Variants in MRLN observed in about 807,000 individuals in gnomAD.
The protein encoded by MRLN is Linc-RNA activator of myogenesis.
chr10:59,746,169 T>C (rs1200706285), intron 1 of MRLN, among the ~76,000 whole-genome samples: 3 of 152,232 alleles, frequency 2.0e-5, no homozygotes, highest in African/African-American at 7.2e-5. Context: ...TTTTCTTTTT[T>C]AATAAAAATT....
intron 1 of MRLN, among the ~76,000 whole-genome samples, chr10:59,746,022 A>G (rs1841040754): frequency 6.6e-6 from 1 of 152,194 alleles, no homozygotes; most frequent in Non-Finnish European, 1.5e-5. Flanking sequence ...ATTTCTCTTT[A>G]TTAAGTGTGG....
At position 59,744,819 on chromosome 10, in the gene MRLN, G is replaced by T. The variant is rs150096920; in HGVS notation, c.-124-6257C>A. ...AATCTATAACCTTACCCCCAACTCCGTGCTCTCTGAAACATGTTCTGTGTC... is the reference window on the plus strand; with the variant it reads ...AATCTATAACCTTACCCCCAACTCCTTGCTCTCTGAAACATGTTCTGTGTC... On this transcript the variant is annotated intron_variant, in intron 1 of 2. Transcript: ENST00000414264. The T allele has an allele frequency of 3.6e-3, 620 of 172,968 alleles. 7 individuals are homozygous for T. The highest frequency in any genetic ancestry group is 0.011 in the East Asian group (66 of 5,856). 10.7% of individuals were successfully genotyped at this position (172,968 alleles called of 1,614,324 possible).
chr10:59,743,901 A>C (rs548832359), intron 1 of MRLN, among the ~76,000 whole-genome samples: 19 of 152,258 alleles, frequency 1.2e-4, no homozygotes, highest in African/African-American at 4.6e-4. Context: ...CCTGACCATG[A>C]GTGATCTGCC....
At chr10:59,739,227 C>T (rs540135411) in intron 1 of MRLN, 5 of 152,184 alleles carry the variant, frequency 3.3e-5, no homozygotes, top group African/African-American at 7.2e-5. Flanking sequence ...GAAAAGCCTT[C>T]GTATGTAAGT....
At chr10:59,751,364 T>C (rs889873758) in intron 1 of MRLN, among the ~76,000 whole-genome samples, 5 of 152,102 alleles carry the variant, frequency 3.3e-5, no homozygotes. Flanking sequence ...AAGTCATTAC[T>C]TAGAAGGTGA....
chr10:59,739,122 CAAAAAAAAAAAA>C (rs573633749), intron 1 of MRLN: 1 of 118,762 alleles, frequency 8.4e-6, no homozygotes, highest in Admixed American at 8.8e-5. Context: ...GATTCCGTCT[CAAAAAAAAAAAA>C]AGAAAAGAAA....
chr10:59,737,958 C>CA (rs925523280), intron 2 of MRLN: 14 of 152,062 alleles, frequency 9.2e-5, no homozygotes, highest in African/African-American at 2.9e-4. Flanking sequence ...ACGTCAGTAT[C>CA]AAAAACGTGG....
At chr10:59,741,854 T>G (rs913904410) in intron 1 of MRLN, among the ~76,000 whole-genome samples, 2 of 152,128 alleles carry the variant, frequency 1.3e-5, no homozygotes, top group Admixed American at 1.3e-4. Context: ...AATTTTTAAT[T>G]TTTTGTAGAG....
chr10:59,743,243 A>T (rs1022785738), intron 1 of MRLN, among the ~76,000 whole-genome samples: 1 of 124,152 alleles, frequency 8.1e-6, no homozygotes, highest in Non-Finnish European at 1.5e-5. Context: ...TCCATTTCTC[A>T]CATTCATTCA....
intron 1 of MRLN, among the ~76,000 whole-genome samples, chr10:59,749,210 T>G (rs1262148087): frequency 2.0e-5 from 3 of 152,242 alleles, no homozygotes; most frequent in African/African-American, 4.8e-5. Context: ...ATTTTTAATC[T>G]CATAAAACTT....
intron 1 of MRLN, among the ~76,000 whole-genome samples, chr10:59,746,927 G>A (rs1841049838): frequency 1.3e-5 from 2 of 152,154 alleles, no homozygotes; most frequent in South Asian, 4.1e-4. Context: ...AGCCTCCTGA[G>A]TAGCTGGGAT....
intron 1 of MRLN, chr10:59,744,693 G>C (rs954137079): frequency 6.2e-6 from 1 of 160,412 alleles, no homozygotes; most frequent in Non-Finnish European, 1.3e-5. Context: ...GGAAAAGAAA[G>C]AGAGATCAGA....
intron 1 of MRLN, among the ~76,000 whole-genome samples, chr10:59,749,141 T>C (rs933372641): frequency 1.3e-5 from 2 of 152,220 alleles, no homozygotes; most frequent in African/African-American, 4.8e-5. Flanking sequence ...ATATCTGTCT[T>C]GTGGGGGGTT....
chr10:59,750,696 C>T (rs1393028177), intron 1 of MRLN, among the ~76,000 whole-genome samples: 1 of 152,208 alleles, frequency 6.6e-6, no homozygotes, highest in Non-Finnish European at 1.5e-5. Context: ...GTCTTCCAGC[C>T]CTCTCCATGA....
intron 1 of MRLN, among the ~76,000 whole-genome samples, chr10:59,740,842 G>A (rs760892625): frequency 7.2e-4 from 108 of 149,418 alleles, no homozygotes; most frequent in Non-Finnish European, 1.3e-3. Flanking sequence ...TTATCGCCCA[G>A]GCTGGAGTGC....
chr10:59,750,066 T>G, intron 1 of MRLN, among the ~76,000 whole-genome samples: 2 of 77,524 alleles, frequency 2.6e-5, no homozygotes, highest in South Asian at 9.8e-4. Flanking sequence ...CTCTCTCTTT[T>G]TTTTTTTTTT....
intron 1 of MRLN, among the ~76,000 whole-genome samples, chr10:59,740,860 C>CG (rs1564725372): frequency 6.6e-6 from 1 of 151,058 alleles, no homozygotes; most frequent in Non-Finnish European, 1.5e-5. Flanking sequence ...TGCAATGGCG[C>CG]GATCTCAGCA....
rs146817546 is a variant in MRLN, at chr10:59,743,262, G to A, written c.-124-4700C>T. Among the ~76,000 whole-genome samples the A allele has an allele frequency of 1.0e-2, 1,400 of 140,662 alleles. 16 individuals carry two copies. The highest frequency in any genetic ancestry group is 0.035 in the African/African-American group (1,321 of 37,686). 92.3% of individuals were successfully genotyped at this position (140,662 alleles called of 152,430 possible). The stretch of plus-strand genomic sequence containing the variant: ...TTTCTCACATTCATTCATTTAAAAG[G>A]ATATTGCCTATATAACTTCAGAACA... On this transcript the variant is annotated intron_variant, in intron 1 of 2. Coordinates refer to ENST00000414264, the MANE Select transcript of MRLN (RefSeq NM_001304731.2).
In MRLN at chr10:59,744,632, G is replaced by C. The variant is rs1452289885; in HGVS notation, c.-124-6070C>G. ...GTGTACCCAACAGCTCATTGAAAAC[G>C]GGCCATGATGAAGATGGCGGTTTTG... On this transcript the variant is annotated intron_variant, in intron 1 of 2. Coordinates refer to ENST00000414264, the MANE Select transcript of MRLN (RefSeq NM_001304731.2). Among the ~76,000 whole-genome samples, 5 of 152,288 alleles carry C rather than the reference G, an allele frequency of 3.3e-5. No individual in the cohort carries two copies. The South Asian group carries it at 6.2e-4, about 19-fold the overall frequency.
Sources: allele counts gnomAD v4.1 joint callset (sites outside exome capture counted in the v4.1 genomes callset), GRCh38; gene constraint gnomAD v4.1.1; transcripts MANE v1.5; gene names NCBI Gene and HGNC (gene_info 2026-07-23, HGNC 2026-07-21).